The following ZNF705B variants were observed in gnomAD, a reference collection of about 807,000 sequenced individuals.
ZNF705B encodes zinc finger protein 705B, also known as Putative zinc finger protein 705D-like protein LOC100132396.
A neutral mutation model predicts 10.5 loss-of-function variants in ZNF705B; 1 was observed. The ratio of observed to expected loss-of-function variants is 0.10; its 90% CI spans 0.03 to 0.45. The LOEUF is 0.45. Among genes scored for constraint, ZNF705B ranks in the 20% least tolerant of loss-of-function variants. The probability of loss-of-function intolerance (pLI) is 0.97; values close to 1 mark genes in which losing one functional copy is unlikely to be tolerated. For missense variants in ZNF705B, 14 were observed against 84.0 expected, an observed-to-expected ratio of 0.17 and a Z score of 3.26; for synonymous variants, 4 against 25.4, an observed-to-expected ratio of 0.16 and a Z score of 2.53.
chr8:7,929,173 G>C (rs1284411018), intron 1 of ZNF705B, among the ~76,000 whole-genome samples: 1 of 121,792 alleles, frequency 8.2e-6, no homozygotes, highest in Non-Finnish European at 2.0e-5. Flanking sequence ...AATGTCAGTC[G>C]TATTAAATAT....
rs1819897848 is a variant in ZNF705B at position 7,933,136 on chromosome 8, A to T, written c.-72+2700A>T. ...TTATCCAGGTGGGCCCAATGTAATC[A>T]TGAGTCCTAAAAAATGGAAGAGTGG... On this transcript the variant is annotated intron_variant, in intron 2 of 6. Coordinates refer to ENST00000400120, the MANE Select transcript of ZNF705B (RefSeq NM_001193630.1). Among the ~76,000 whole-genome samples the T allele has an allele frequency of 2.8e-5, 3 of 109,068 alleles. No individual in the cohort carries two copies. In the Admixed American group the frequency reaches 3.5e-4, roughly 13 times the overall value. The allele number at this position is 109,068 out of a possible 152,430, so 71.6% of individuals were successfully genotyped here.
chr8:7,929,613 TCAGGTTACACC>T, intron 1 of ZNF705B, among the ~76,000 whole-genome samples: 5 of 123,776 alleles, frequency 4.0e-5, no homozygotes, highest in Non-Finnish European at 5.7e-5. Context: ...TGGAACATTC[TCAGGTTACACC>T]CATGCCATAA....
rs1317457979 is a variant in ZNF705B at position 7,929,494 on chromosome 8, C to T, written c.-221-793C>T. ...ATTCTGGGGAAAAAAAGGCACCAAA[C>T]CTCAGAGCCATAAGCAGAAATGAAA... On this transcript the variant is annotated intron_variant, in intron 1 of 6. Transcript: ENST00000400120. 7.4e-5 allele frequency among the ~76,000 whole-genome samples: 9 copies of T among 121,128 alleles called. No individual in the cohort carries two copies. The Admixed American group carries it at 7.5e-4, about 10-fold the overall frequency. 79.5% of individuals were successfully genotyped at this position (121,128 alleles called of 152,430 possible). A position where few individuals can be genotyped will look rare whatever the true frequency, so the allele number is the denominator to read the frequency against.
intron 1 of ZNF705B, among the ~76,000 whole-genome samples, chr8:7,929,008 A>C (rs1225363797): frequency 4.2e-5 from 5 of 119,090 alleles, no homozygotes; most frequent in African/African-American, 1.3e-4. Context: ...CTCAGGTGAC[A>C]GGTGTACTAA....
intron 1 of ZNF705B, among the ~76,000 whole-genome samples, chr8:7,927,416 A>G (rs1363369146): frequency 1.2e-4 from 15 of 121,310 alleles, no homozygotes; most frequent in African/African-American, 3.8e-4. Flanking sequence ...TCTAATGACC[A>G]ATGATGATGA....
intron 1 of ZNF705B, among the ~76,000 whole-genome samples, chr8:7,928,458 AG>A: frequency 8.3e-6 from 1 of 120,946 alleles, no homozygotes; most frequent in South Asian, 2.8e-4. Flanking sequence ...TCAGGGGCTG[AG>A]GAAGTAAGGT....
rs116547710 is a variant in ZNF705B at position 7,940,486 on chromosome 8, G to A, written c.-71-6865G>A. Reference sequence around the variant, plus strand: ...AATCTACCCTTTTAGCAAATTTTAAGTATTTAATACAGTATTCTTAGCTGT... The same window carrying A: ...AATCTACCCTTTTAGCAAATTTTAAATATTTAATACAGTATTCTTAGCTGT... On this transcript the variant is annotated intron_variant, in intron 2 of 6. Coordinates refer to ENST00000400120, the MANE Select transcript of ZNF705B (RefSeq NM_001193630.1). Among the ~76,000 whole-genome samples the A allele has an allele frequency of 7.9e-3, 909 of 115,370 alleles. 46 individuals carry two copies. The highest frequency in any genetic ancestry group is 0.024 in the African/African-American group (866 of 35,560). 75.7% of individuals were successfully genotyped at this position (115,370 alleles called of 152,430 possible). A position where few individuals can be genotyped will look rare whatever the true frequency, so the allele number is the denominator to read the frequency against.
chr8:7,928,320 T>A (rs1255588355), intron 1 of ZNF705B, among the ~76,000 whole-genome samples: 2 of 120,850 alleles, frequency 1.7e-5, no homozygotes, highest in East Asian at 4.8e-4. Flanking sequence ...TATTCAAACA[T>A]TCGGGCCACA....
At chr8:7,948,811 T>C (rs1414590379) in intron 3 of ZNF705B, among the ~76,000 whole-genome samples, 2 of 65,140 alleles carry the variant, frequency 3.1e-5, no homozygotes, top group African/African-American at 6.8e-5. Flanking sequence ...TTTCATTTTA[T>C]TTATGAATGT....
Position 7,940,318 on chromosome 8 carries a change from T to C in ZNF705B, c.-71-7033T>C, listed in dbSNP as rs1417166986. Reference sequence around the variant, plus strand: ...TAAAAAGCTGTACATATTTAAGGTGTACATCTCAGTGAGCTTGGGGATAAG... The same window carrying C: ...TAAAAAGCTGTACATATTTAAGGTGCACATCTCAGTGAGCTTGGGGATAAG... On this transcript the variant is annotated intron_variant, in intron 2 of 6. Coordinates refer to ENST00000400120, the MANE Select transcript of ZNF705B (RefSeq NM_001193630.1). Among the ~76,000 whole-genome samples, 326 of 148,200 alleles carry C rather than the reference T, an allele frequency of 2.2e-3. 4 individuals carry two copies. The highest frequency in any genetic ancestry group is 7.7e-3 in the African/African-American group (310 of 40,088).
At chr8:7,930,489 C>T (rs1342628348) in intron 2 of ZNF705B, 53 bp downstream of exon 2, 13 of 75,866 alleles carry the variant, frequency 1.7e-4, no homozygotes, top group African/African-American at 4.1e-4. Context: ...TTGGAGCTGA[C>T]GTAGGCCAAA....
rs576808894 is a variant in ZNF705B, at chr8:7,941,173, A to G, written c.-71-6178A>G. Among the ~76,000 whole-genome samples, 8 of 146,426 alleles carry G rather than the reference A, an allele frequency of 5.5e-5. No individual in the cohort carries two copies. In the South Asian group the frequency reaches 1.8e-3, roughly 33 times the overall value. ...ATATGTGTGCATGTATCTTTATAAT[A>G]GAATGATTTATATTCCTTTGGGTAT... On this transcript the variant is annotated intron_variant, in intron 2 of 6. Transcript: ENST00000400120.
chr8:7,932,800 CTA>C lies in ZNF705B; in HGVS notation c.-72+2367_-72+2368del, dbSNP rs1475264674. ...TAACATACTTTTAAATATCTTGATTCTATACTCTTTCAATGACCAAGGGGAGG... is the reference window on the plus strand; with the variant it reads ...TAACATACTTTTAAATATCTTGATTCTACTCTTTCAATGACCAAGGGGAGG... On this transcript the variant is annotated intron_variant, in intron 2 of 6. Transcript: ENST00000400120. 5.4e-5 allele frequency among the ~76,000 whole-genome samples: 6 copies of C among 110,554 alleles called. 1 individual carries two copies. The highest frequency in any genetic ancestry group is 1.6e-4 in the African/African-American group (6 of 38,220). The allele number at this position is 110,554 out of a possible 152,430, so 72.5% of individuals were successfully genotyped here. A position where few individuals can be genotyped will look rare whatever the true frequency, so the allele number is the denominator to read the frequency against.
intron 2 of ZNF705B, among the ~76,000 whole-genome samples, chr8:7,940,244 AC>A (rs1203663686): frequency 6.8e-6 from 1 of 147,544 alleles, no homozygotes; most frequent in Admixed American, 6.8e-5. Flanking sequence ...TTTTTAACCA[AC>A]CCCCTCTTGT....
At chr8:7,929,246 T>C (rs984155298) in intron 1 of ZNF705B, among the ~76,000 whole-genome samples, 3 of 121,750 alleles carry the variant, frequency 2.5e-5, no homozygotes, top group African/African-American at 7.5e-5. Flanking sequence ...CTTGCATGAA[T>C]TCAAAATGCA....
chr8:7,928,893 G>A lies in ZNF705B; in HGVS notation c.-221-1394G>A, dbSNP rs1819768944. On this transcript the variant is annotated intron_variant, in intron 1 of 6. Coordinates refer to ENST00000400120, the MANE Select transcript of ZNF705B (RefSeq NM_001193630.1). ...GCTCTCATTTATAAGTGGGAGCTAG[G>A]GTATGAGTACAAAAAGGAATACAGA... 1.9e-5 allele frequency among the ~76,000 whole-genome samples: 2 copies of A among 107,034 alleles called. 1 individual carries two copies. The highest frequency in any genetic ancestry group is 4.5e-5 in the Non-Finnish European group (2 of 44,544). The allele number at this position is 107,034 out of a possible 152,430, so 70.2% of individuals were successfully genotyped here.
At chr8:7,932,134 C>G (rs1819865512) in intron 2 of ZNF705B, among the ~76,000 whole-genome samples, 1 of 121,132 alleles carries the variant, frequency 8.3e-6, no homozygotes, top group African/African-American at 2.5e-5. Flanking sequence ...CTATAGTAGT[C>G]TCAGGGCCTG....
chr8:7,931,436 T>A (rs954599238), intron 2 of ZNF705B, among the ~76,000 whole-genome samples: 6 of 121,952 alleles, frequency 4.9e-5, no homozygotes, highest in Admixed American at 1.8e-4. Flanking sequence ...GTGATAGGTA[T>A]GGTGGATTAA....
At chr8:7,927,561 A>G (rs1375500802) in intron 1 of ZNF705B, among the ~76,000 whole-genome samples, 1 of 111,746 alleles carries the variant, frequency 8.9e-6, no homozygotes, top group Non-Finnish European at 2.2e-5. Context: ...GTGGATAGGT[A>G]TTGGGTAGCA....
Sources: gnomAD v4.1 joint callset for allele counts (sites outside exome capture counted in the v4.1 genomes callset) on GRCh38, gnomAD v4.1.1 for gene constraint, MANE v1.5 for transcripts, NCBI Gene and HGNC (gene_info 2026-07-23, HGNC 2026-07-21) for gene names.